PHACTR1: variants seen among roughly 807,000 people sequenced by gnomAD.
The protein encoded by PHACTR1 is RPEL repeat containing 1.
PHACTR1 carries 16 observed loss-of-function variants against 69.2 expected under a neutral mutation model. The ratio of observed to expected loss-of-function variants is 0.23; its 90% CI spans 0.16 to 0.35. The LOEUF (loss-of-function observed/expected upper bound fraction) is 0.35. Ranked by LOEUF, PHACTR1 falls within the 10% of genes least tolerant of loss-of-function variation. PHACTR1 has a pLI of 1.00. For missense variants in PHACTR1, 510 were observed against 734.7 expected, an observed-to-expected ratio of 0.69 and a Z score of 3.54; for synonymous variants, 312 against 284.5, an observed-to-expected ratio of 1.10 and a Z score of -0.97.
intron 3 of PHACTR1, among the ~76,000 whole-genome samples, chr6:12,732,653 A>C (rs996948794): frequency 6.6e-6 from 1 of 152,032 alleles, no homozygotes; most frequent in Non-Finnish European, 1.5e-5. Context: ...AAAGGACATG[A>C]TATCATTCCT....
intron 6 of PHACTR1, among the ~76,000 whole-genome samples, chr6:13,172,009 C>T (rs191656118): frequency 3.0e-4 from 45 of 152,204 alleles, no homozygotes; most frequent in African/African-American, 1.0e-3. Context: ...TCAGGTGATC[C>T]GCTCACCTTG....
intron 2 of PHACTR1, 81 bp downstream of exon 2, chr6:12,717,824 A>G (rs1761585288): frequency 6.6e-6 from 1 of 152,246 alleles, no homozygotes; most frequent in African/African-American, 2.4e-5. Context: ...AAATTAAAAT[A>G]CATACTGTTA....
intron 7 of PHACTR1, among the ~76,000 whole-genome samples, chr6:13,185,337 G>C (rs1762701438): frequency 6.6e-6 from 1 of 152,082 alleles, no homozygotes; most frequent in South Asian, 2.1e-4. Flanking sequence ...TTTTTGCAAA[G>C]ATAAAGAATA....
chr6:12,833,070 A>G (rs1225070328), intron 4 of PHACTR1, among the ~76,000 whole-genome samples: 1 of 152,158 alleles, frequency 6.6e-6, no homozygotes, highest in East Asian at 1.9e-4. Flanking sequence ...GTGTCCATGA[A>G]GAAGTCACTT....
intron 6 of PHACTR1, among the ~76,000 whole-genome samples, chr6:13,170,424 G>A (rs977377410): frequency 6.6e-6 from 1 of 152,116 alleles, no homozygotes; most frequent in Non-Finnish European, 1.5e-5. Flanking sequence ...AGGGTACGTG[G>A]GGCATAGTGG....
At chr6:13,114,775 C>T (rs1235831416) in intron 5 of PHACTR1, among the ~76,000 whole-genome samples, 1 of 152,146 alleles carries the variant, frequency 6.6e-6, no homozygotes, top group Non-Finnish European at 1.5e-5. Flanking sequence ...ACCTGCTCCC[C>T]AACAACAAAG....
intron 4 of PHACTR1, among the ~76,000 whole-genome samples, chr6:13,026,848 T>C (rs532878803): frequency 1.3e-5 from 2 of 152,104 alleles, no homozygotes; most frequent in South Asian, 4.2e-4. Flanking sequence ...GCTCTAAAGA[T>C]CAATGTCCTG....
intron 4 of PHACTR1, among the ~76,000 whole-genome samples, chr6:13,035,882 G>T (rs1479609004): frequency 2.0e-5 from 3 of 152,008 alleles, no homozygotes; most frequent in Non-Finnish European, 1.5e-5. Flanking sequence ...CTTCCACTAA[G>T]TACCATCTGT....
chr6:13,213,348 C>T (rs1177799503), intron 8 of PHACTR1, among the ~76,000 whole-genome samples: 1 of 152,174 alleles, frequency 6.6e-6, no homozygotes, highest in Non-Finnish European at 1.5e-5. Flanking sequence ...CCCAGAGCAG[C>T]TTCTTTCACA....
At chr6:12,956,207 G>A (rs899124249) in intron 4 of PHACTR1, among the ~76,000 whole-genome samples, 1 of 152,208 alleles carries the variant, frequency 6.6e-6, no homozygotes, top group African/African-American at 2.4e-5. Context: ...ACAAGCCTCC[G>A]CTGGCTGGGA....
At chr6:12,892,415 TAC>T (rs1051609159) in intron 4 of PHACTR1, among the ~76,000 whole-genome samples, 50 of 152,294 alleles carry the variant, frequency 3.3e-4, no homozygotes, top group African/African-American at 1.2e-3. Context: ...ATTTAATTAA[TAC>T]AGAGCTGCAT....
chr6:13,245,054 C>T lies in PHACTR1; in HGVS notation c.1391+14861C>T, dbSNP rs938879253. Among the ~76,000 whole-genome samples, 1 of 152,222 alleles carries T rather than the reference C, an allele frequency of 6.6e-6. No individual in the cohort carries two copies. Among genetic ancestry groups the T allele is most frequent in the African/African-American group, 2.4e-5 (1 of 41,452 alleles). ...TTCTTCTGCCATGGTTTCAGCCGGT[C>T]CCTCTGTTTGGGGTCCCTGACTTCC... On this transcript the variant is annotated intron_variant, in intron 10 of 14. Transcript: ENST00000332995. The surrounding 1 kb of genome is among the most constrained non-coding windows in gnomAD (Gnocchi z 4.1).
chr6:12,790,313 A>G (rs1232324780), intron 4 of PHACTR1, among the ~76,000 whole-genome samples: 1 of 152,030 alleles, frequency 6.6e-6, no homozygotes, highest in Non-Finnish European at 1.5e-5. Flanking sequence ...ATGGGCCACA[A>G]TGACCTGTTT....
At chr6:12,911,158 G>T (rs1375600037) in intron 4 of PHACTR1, among the ~76,000 whole-genome samples, 1 of 152,150 alleles carries the variant, frequency 6.6e-6, no homozygotes, top group African/African-American at 2.4e-5. Flanking sequence ...GACTTAGAAG[G>T]CTCACTACCT....
chr6:12,994,668 G>A lies in PHACTR1; in HGVS notation c.251-58697G>A, dbSNP rs143936297. On this transcript the variant is annotated intron_variant, in intron 4 of 14. Transcript: ENST00000332995. ...AAGGGGAATGGGAAGGCTTAAGAGC[G>A]CTCAGTCTGCTACTATAATATACAG... Among the ~76,000 whole-genome samples the A allele has an allele frequency of 4.1e-3, 619 of 152,146 alleles. 3 individuals carry two copies. Among genetic ancestry groups the A allele is most frequent in the African/African-American group, 0.014 (569 of 41,530 alleles).
chr6:13,211,432 C>T (rs1270459842), intron 8 of PHACTR1, among the ~76,000 whole-genome samples: 3 of 152,052 alleles, frequency 2.0e-5, no homozygotes, highest in African/African-American at 4.8e-5. Flanking sequence ...CTAATCAGGA[C>T]GCCGTTTCTT....
chr6:13,249,497 A>G (rs1774055953), intron 10 of PHACTR1, among the ~76,000 whole-genome samples: 1 of 152,078 alleles, frequency 6.6e-6, no homozygotes, highest in Admixed American at 6.5e-5. Context: ...TATGAACTAC[A>G]CTAAAATGTG....
At chr6:13,191,502 C>CAG (rs972539927) in intron 7 of PHACTR1, among the ~76,000 whole-genome samples, 16 of 152,194 alleles carry the variant, frequency 1.1e-4, no homozygotes, top group African/African-American at 3.9e-4. Flanking sequence ...GCAGGGCAGA[C>CAG]AGAGCACTTT....
intron 5 of PHACTR1, among the ~76,000 whole-genome samples, chr6:13,156,236 T>C (rs558332597): frequency 6.6e-6 from 1 of 152,322 alleles, no homozygotes; most frequent in Admixed American, 6.5e-5. Context: ...TTTTTCATGC[T>C]TCTCAAAATA....
Sources: gnomAD v4.1 joint callset for allele counts (sites outside exome capture counted in the v4.1 genomes callset) on GRCh38, gnomAD v4.1.1 for gene constraint, Gnocchi (gnomAD v3.1) non-coding constraint, MANE v1.5 for transcripts, NCBI Gene and HGNC (gene_info 2026-07-23, HGNC 2026-07-21) for gene names.